INCENP: variants seen among roughly 807,000 people sequenced by gnomAD.
INCENP encodes inner centromere protein, also known as binds and activates aurora-B and -C in vivo and in vitro.
INCENP carries 43 observed loss-of-function variants against 107.3 expected under a neutral mutation model. That is an observed-to-expected ratio of 0.40 (90% CI 0.31 to 0.52). The LOEUF (loss-of-function observed/expected upper bound fraction) is 0.52. Among genes scored for constraint, INCENP ranks in the 20% least tolerant of loss-of-function variants. The pLI, the probability that INCENP is intolerant of heterozygous loss-of-function variation, is 0.53. For missense variants in INCENP, 1,089 were observed against 1,250.9 expected (o/e 0.87, Z 1.95); for synonymous variants, 488 against 494.4 (o/e 0.99, Z 0.17).
intron 11 of INCENP, 51 bp from the exon 12 acceptor site, chr11:62,144,930 TG>T (rs1274852260): frequency 2.1e-5 from 31 of 1,503,058 alleles, no homozygotes; most frequent in South Asian, 2.3e-5. Context: ...TGGGGCTGGG[TG>T]GGGGGTCGTC....
Position 62,146,700 on chromosome 11 carries a change from A to G in INCENP, c.2002A>G (p.Lys668Glu), listed in dbSNP as rs868326116. ...GCACCAAGAGCTGCTGCAGAAGAAG[A>G]AGGAAGAGGAGCAGGAGCGGCTGCG... ...RRHQELLQKKKEEEQERLRKA... is the reference protein window; with the variant it reads ...RRHQELLQKKEEEEQERLRKA... Residue 668 changes from lysine to glutamate, a missense_variant, in exon 15 of 19, where the codon AAG becomes GAG. By Grantham distance (56) the Lys-to-Glu change is moderately conservative. Transcript: ENST00000394818. The G allele has an allele frequency of 6.5e-7, 1 of 1,550,042 alleles. No homozygotes were observed. Among genetic ancestry groups the G allele is most frequent in the African/African-American group, 1.4e-5 (1 of 72,684 alleles).
At chr11:62,151,598 G>T (rs925324658) in intron 18 of INCENP, among the ~76,000 whole-genome samples, 164 bp from the exon 19 acceptor site, 1 of 152,132 alleles carries the variant, frequency 6.6e-6, no homozygotes, top group African/African-American at 2.4e-5. Flanking sequence ...TGACACAAGG[G>T]CGTTCTCTGG....
In INCENP at chr11:62,151,959, A is replaced by G. The variant is rs751632364; in HGVS notation, c.2740A>G (p.Ser914Gly). Reference protein sequence around the residue: ...GARVPSSLAYSLKKH With the variant: ...GARVPSSLAYGLKKH ...CAGGGTCCCCAGCAGCCTGGCCTAC[A>G]GCCTGAAGAAGCACTGAGGCTGGCC... Residue 914 changes from serine (S) to glycine (G), a missense_variant, in exon 19 of 19, where the codon AGC becomes GGC. By Grantham distance (56) the Ser-to-Gly change is moderately conservative (BLOSUM62 0). Transcript: ENST00000394818. 3 of 1,610,460 alleles carry G rather than the reference A, an allele frequency of 1.9e-6. No individual in the cohort carries two copies. The highest frequency in any genetic ancestry group is 1.1e-5 in the South Asian group (1 of 91,080).
At chr11:62,131,916 G>A (rs1221606512) in intron 4 of INCENP, among the ~76,000 whole-genome samples, 2 of 152,044 alleles carry the variant, frequency 1.3e-5, no homozygotes, top group Non-Finnish European at 2.9e-5. Context: ...CGAGTAGCAG[G>A]GATTACAAGC....
chr11:62,148,963 G>A (rs1944316241), intron 17 of INCENP, 117 bp downstream of exon 17: 1 of 537,414 alleles, frequency 1.9e-6, no homozygotes, highest in Non-Finnish European at 3.3e-6. Flanking sequence ...AGATACACTT[G>A]GCCCAATTGT....
intron 15 of INCENP, among the ~76,000 whole-genome samples, chr11:62,148,193 C>T (rs552427537): frequency 6.6e-6 from 1 of 152,252 alleles, no homozygotes; most frequent in Non-Finnish European, 1.5e-5. Context: ...GTGTTATGGT[C>T]TCCATTGTAT....
intron 9 of INCENP, 43 bp from the exon 10 acceptor site, chr11:62,140,870 C>T: frequency 6.2e-7 from 1 of 1,613,640 alleles, no homozygotes. Context: ...CCTTCAGTAC[C>T]CTGCCCCGCC....
At chr11:62,129,016 T>C in intron 3 of INCENP, 133 bp downstream of exon 3, 1 of 660,600 alleles carries the variant, frequency 1.5e-6, no homozygotes, top group Non-Finnish European at 2.7e-6. Flanking sequence ...CCACCGCGGG[T>C]ACTGCGTGGG....
intron 11 of INCENP, 190 bp downstream of exon 11, chr11:62,141,701 CCTT>C: frequency 2.7e-6 from 2 of 729,524 alleles, no homozygotes; most frequent in East Asian, 2.5e-5. Context: ...GCCCCAGCGT[CCTT>C]CTCTGCCCTC....
In INCENP at chr11:62,150,280, TG is replaced by T. The variant is rs1281274113; in HGVS notation, c.2542+76del. 7.9e-6 allele frequency: 12 copies of T among 1,520,842 alleles called. No individual in the cohort carries two copies. The African/African-American group carries it at 1.5e-4, about 19-fold the overall frequency. The allele number at this position is 1,520,842 out of a possible 1,614,324, so 94.2% of individuals were successfully genotyped here. A position where few individuals can be genotyped will look rare whatever the true frequency, so the allele number is the denominator to read the frequency against. On this transcript the variant is annotated intron_variant, in intron 18 of 18. Coordinates refer to ENST00000394818, the MANE Select transcript of INCENP (RefSeq NM_001040694.2). ...CTCACCTTGAGGGCCCTGGAAGTAG[TG>T]GGTTGGCTGCTGCGGTGTTGGGAGG...
intron 16 of INCENP, 62 bp downstream of exon 16, chr11:62,148,616 C>G: frequency 6.5e-7 from 1 of 1,536,986 alleles, no homozygotes; most frequent in Non-Finnish European, 8.9e-7. Flanking sequence ...CGGGTCTGGA[C>G]TCCTGCAGCA....
intron 4 of INCENP, among the ~76,000 whole-genome samples, chr11:62,130,966 T>C (rs779550234): frequency 6.6e-6 from 1 of 152,186 alleles, no homozygotes; most frequent in South Asian, 2.1e-4. Context: ...TTACTGGCCA[T>C]GTTGAGGCTG....
chr11:62,130,390 A>G lies in INCENP; in HGVS notation c.863A>G (p.Asp288Gly), dbSNP rs758471077. The G allele has an allele frequency of 2.5e-6, 4 of 1,612,874 alleles. No homozygotes were observed. Among genetic ancestry groups the G allele is most frequent in the Non-Finnish European group, 3.4e-6 (4 of 1,179,996 alleles). The change falls in exon 4 of 19, where the codon GAT (aspartate) becomes GGT (glycine). Residue 288 changes from aspartate to glycine, a missense_variant. By Grantham distance (94) the Asp-to-Gly change is moderately conservative (BLOSUM62 -1). Transcript: ENST00000394818. ...CGGGTGCTGGCTCCCATCCTGCCGG[A>G]TAACTTCTCCACGCCCACGGGCTCT... The part of the protein sequence containing the change: ...RERVLAPILP[D>G]NFSTPTGSRT...
Position 62,146,602 on chromosome 11 carries a change from T to C in INCENP, c.1960-56T>C, listed in dbSNP as rs974948004. On this transcript the variant is annotated intron_variant, in intron 14 of 18. Transcript: ENST00000394818. ...GGGCTTCGGGGGAGTAGGGCTGCTG[T>C]CCTGCCTCTCTGGCCTGGGCCTGGC... The C allele has an allele frequency of 7.8e-6, 12 of 1,544,504 alleles. No homozygotes were observed. In the African/African-American group the frequency reaches 1.2e-4, roughly 16 times the overall value.
intron 10 of INCENP, among the ~76,000 whole-genome samples, 177 bp from the exon 11 acceptor site, chr11:62,141,323 T>C (rs1195164125): frequency 6.6e-6 from 1 of 152,028 alleles, no homozygotes. Context: ...GAGAGGTACT[T>C]GTGGACACCT....
intron 4 of INCENP, among the ~76,000 whole-genome samples, chr11:62,135,651 C>T (rs1350894970): frequency 1.3e-5 from 2 of 152,166 alleles, no homozygotes; most frequent in South Asian, 2.1e-4. Context: ...AAGTTATGCA[C>T]GTCTTCCAAG....
intron 1 of INCENP, among the ~76,000 whole-genome samples, chr11:62,124,769 C>T (rs1265926767): frequency 1.3e-5 from 2 of 152,094 alleles, no homozygotes; most frequent in South Asian, 4.1e-4. Context: ...CGGTATAGCC[C>T]GTGGTTAAGG....
rs141855515 is a variant in INCENP at position 62,130,307 on chromosome 11, G to A, written c.780G>A (p.Ala260=). 3.1e-5 allele frequency: 50 copies of A among 1,611,668 alleles called. No individual in the cohort carries two copies. In the Middle Eastern group the frequency reaches 4.9e-4, roughly 16 times the overall value. Residue 260 remains alanine (A), a synonymous_variant, in exon 4 of 19, where the codon GCG becomes GCA. Transcript: ENST00000394818. ...GGTCTGCGTCTAAGCTCAGGATTGC[G>A]CAGGTCTCCCCTGGCCCACGGGACT... ...TGRSASKLRI[A]QVSPGPRDSP... is the part of the protein sequence containing the mutation.
At chr11:62,129,287 A>C (rs1943827638) in intron 3 of INCENP, among the ~76,000 whole-genome samples, 1 of 152,140 alleles carries the variant, frequency 6.6e-6, no homozygotes. Context: ...TTGGGGCTGC[A>C]GAGTGCTAGG....
Sources: gnomAD v4.1 joint callset for allele counts (sites outside exome capture counted in the v4.1 genomes callset) on GRCh38, gnomAD v4.1.1 for gene constraint, MANE v1.5 for transcripts, NCBI Gene and HGNC (gene_info 2026-07-23, HGNC 2026-07-21) for gene names.